The following HEBP1 variants were observed in gnomAD, a reference collection of about 807,000 sequenced individuals.
HEBP1 encodes the protein heme binding protein 1, also known as heme-binding protein 1.
HEBP1 carries 13 observed loss-of-function variants against 20.4 expected under a neutral mutation model. The observed-to-expected ratio is 0.64, with a 90% CI of 0.42 to 1.01. HEBP1 has a LOEUF of 1.01. Ranked by LOEUF, HEBP1 falls within the 50% of genes least tolerant of loss-of-function variation. HEBP1 has a pLI of 0.00. For synonymous variants in HEBP1, 92 were observed against 90.7 expected (o/e 1.01, Z -0.08); for missense variants, 241 against 247.3 (o/e 0.97, Z 0.17).
Position 12,975,274 on chromosome 12 carries a change from A to T in HEBP1, c.*34T>A, listed in dbSNP as rs928363898. 4 of 1,604,532 alleles carry T rather than the reference A, an allele frequency of 2.5e-6. No individual in the cohort carries two copies. In the African/African-American group the frequency reaches 4.0e-5, roughly 16 times the overall value. On this transcript the variant is annotated 3_prime_UTR_variant, in exon 4 of 4. Coordinates refer to ENST00000014930, the MANE Select transcript of HEBP1 (RefSeq NM_015987.5). ...CCCCCGAGGAAGGAGACACAGAGGC[A>T]CACTTCCAGTAAGTTCTTGGTTCAG...
In HEBP1 at chr12:13,000,243, C is replaced by T. The variant is rs1397054679; in HGVS notation, c.-129G>A. The T allele has an allele frequency of 3.2e-3, 1,166 of 358,848 alleles. 22 individuals are homozygous for T. The highest frequency in any genetic ancestry group is 0.022 in the African/African-American group (1,009 of 45,174). The allele number at this position is 358,848 out of a possible 1,614,324, so 22.2% of individuals were successfully genotyped here. ...GCGGCAGGGCGGCAGGGTGGCAGGG[C>T]GGCAAGGCGGCGGGACGGCGAGGCG... On this transcript the variant is annotated 5_prime_UTR_variant, in exon 1 of 4. Transcript: ENST00000014930.
chr12:12,981,405 G>GA (rs1192328959), intron 3 of HEBP1, among the ~76,000 whole-genome samples: 2 of 152,280 alleles, frequency 1.3e-5, no homozygotes, highest in African/African-American at 4.8e-5. Flanking sequence ...GAAACAGCCT[G>GA]AAGCCCTTGC....
chr12:12,978,199 GTTTTTTTTTTTTTTTT>G (rs76634642), intron 3 of HEBP1, among the ~76,000 whole-genome samples: 1 of 75,056 alleles, frequency 1.3e-5, no homozygotes, highest in African/African-American at 5.5e-5. Flanking sequence ...CTACGAAAGG[GTTTTTTTTTTTTTTTT>G]TTTTTTTTTT....
At chr12:12,984,046 GT>G (rs1177085835) in intron 3 of HEBP1, 1 of 223,434 alleles carries the variant, frequency 4.5e-6, no homozygotes, top group Non-Finnish European at 9.2e-6. Flanking sequence ...TATCAAATAT[GT>G]TTAAATTCAT....
At position 12,987,612 on chromosome 12, in the gene HEBP1, T is replaced by TCTCTTTCTCTCTC. The variant is rs1230851526; in HGVS notation, c.218-281_218-280insGAGAGAGAAAGAG. Among the ~76,000 whole-genome samples, 212 of 117,826 alleles carry TCTCTTTCTCTCTC rather than the reference T, an allele frequency of 1.8e-3. 1 individual carries two copies. The highest frequency in any genetic ancestry group is 6.2e-3 in the African/African-American group (202 of 32,598). The allele number at this position is 117,826 out of a possible 152,430, so 77.3% of individuals were successfully genotyped here. ...TCTTTCTCTCTCTCTCTCTCTCTCT[T>TCTCTTTCTCTCTC]TCTCTCTCTCTCTCTCTCTCTCTTT... On this transcript the variant is annotated intron_variant, in intron 2 of 3. Coordinates refer to ENST00000014930, the MANE Select transcript of HEBP1 (RefSeq NM_015987.5).
intron 1 of HEBP1, among the ~76,000 whole-genome samples, chr12:12,999,610 A>C (rs1196877093): frequency 6.6e-6 from 1 of 152,264 alleles, no homozygotes; most frequent in African/African-American, 2.4e-5. Flanking sequence ...GACCACAGGT[A>C]ACTGAAATCG....
intron 1 of HEBP1, among the ~76,000 whole-genome samples, chr12:12,990,945 C>T (rs1264515410): frequency 6.6e-6 from 1 of 152,102 alleles, no homozygotes; most frequent in Non-Finnish European, 1.5e-5. Context: ...CAAGAAAAAC[C>T]TAACTTGGCA....
chr12:12,997,172 C>T (rs1864300945), intron 1 of HEBP1, among the ~76,000 whole-genome samples: 1 of 152,166 alleles, frequency 6.6e-6, no homozygotes, highest in East Asian at 1.9e-4. Context: ...TCCCATATGG[C>T]CCCATATTCC....
chr12:12,989,246 G>A, intron 2 of HEBP1, 31 bp downstream of exon 2: 1 of 1,611,734 alleles, frequency 6.2e-7, no homozygotes, highest in South Asian at 1.1e-5. Flanking sequence ...TGGTCCCCGA[G>A]ACCAGAGCCA....
chr12:12,991,475 A>G (rs974646716), intron 1 of HEBP1, among the ~76,000 whole-genome samples: 15 of 151,802 alleles, frequency 9.9e-5, no homozygotes, highest in African/African-American at 3.6e-4. Context: ...CCCCATCACC[A>G]CTTTCTGCAT....
At chr12:12,975,537 G>A (rs1863969377) in intron 3 of HEBP1, 58 bp from the exon 4 acceptor site, 1 of 1,470,944 alleles carries the variant, frequency 6.8e-7, no homozygotes, top group Non-Finnish European at 9.2e-7. Context: ...AGAGAGGGGG[G>A]ATCTTTAGAA....
chr12:12,992,311 CTTCTGCCTCAGCCTCACAAG>C (rs1259637018), intron 1 of HEBP1, among the ~76,000 whole-genome samples: 2 of 152,246 alleles, frequency 1.3e-5, no homozygotes, highest in African/African-American at 4.8e-5. Context: ...TCAAGTGATT[CTTCTGCCTCAGCCTCACAAG>C]TAGCTGAGAC....
At chr12:12,983,956 C>T (rs1204445058) in intron 3 of HEBP1, 1 of 315,164 alleles carries the variant, frequency 3.2e-6, no homozygotes, top group African/African-American at 2.2e-5. Context: ...ACCAACAAAC[C>T]AACTTGAAGA....
intron 3 of HEBP1, among the ~76,000 whole-genome samples, chr12:12,981,701 C>A (rs1413138932): frequency 6.6e-6 from 1 of 152,152 alleles, no homozygotes; most frequent in Non-Finnish European, 1.5e-5. Flanking sequence ...CTGTTAGACA[C>A]CTAAAATAGT....
At chr12:12,989,512 G>T in intron 1 of HEBP1, 97 bp from the exon 2 acceptor site, 2 of 1,176,808 alleles carry the variant, frequency 1.7e-6, no homozygotes, top group Admixed American at 1.9e-5. Context: ...TTTCCTTGGT[G>T]GGTATGGCCA....
At chr12:12,987,414 C>T (rs916010136) in intron 2 of HEBP1, 82 bp from the exon 3 acceptor site, 7 of 1,079,350 alleles carry the variant, frequency 6.5e-6, no homozygotes, top group Admixed American at 2.7e-5. Flanking sequence ...TAGTTCCATT[C>T]GTCTTTCAAA....
intron 1 of HEBP1, among the ~76,000 whole-genome samples, chr12:12,991,076 TAAC>T (rs1864219343): frequency 6.6e-6 from 1 of 152,142 alleles, no homozygotes; most frequent in Non-Finnish European, 1.5e-5. Context: ...ATTTGAGTAA[TAAC>T]AAACCTCTGG....
In HEBP1 at chr12:12,998,388, GT is replaced by G. The variant is rs1401826487; in HGVS notation, c.78+1648del. Among the ~76,000 whole-genome samples, 4 of 152,136 alleles carry G rather than the reference GT, an allele frequency of 2.6e-5. No individual in the cohort carries two copies. Among genetic ancestry groups the G allele is most frequent in the African/African-American group, 9.7e-5 (4 of 41,436 alleles). ...TTTTCCTTAAGAATTTGGCAACACT[GT>G]TTCATATATCACTGCATAGCAACAA... On this transcript the variant is annotated intron_variant, in intron 1 of 3. Coordinates refer to ENST00000014930, the MANE Select transcript of HEBP1 (RefSeq NM_015987.5). The surrounding 1 kb of genome is among the most constrained non-coding windows in gnomAD (Gnocchi z 4.2).
chr12:12,991,259 T>C (rs954787107), intron 1 of HEBP1, among the ~76,000 whole-genome samples: 7 of 152,226 alleles, frequency 4.6e-5, no homozygotes, highest in African/African-American at 1.7e-4. Flanking sequence ...TTGCTATTAT[T>C]ATTTTTTGAA....
Sources: allele counts gnomAD v4.1 joint callset (sites outside exome capture counted in the v4.1 genomes callset), GRCh38; gene constraint gnomAD v4.1.1; non-coding constraint Gnocchi (gnomAD v3.1); transcripts MANE v1.5; gene names NCBI Gene and HGNC (gene_info 2026-07-23, HGNC 2026-07-21).